The following LARS2 variants were observed in gnomAD, a reference collection of about 807,000 sequenced individuals.
LARS2 encodes leucine--tRNA ligase, mitochondrial.
A neutral mutation model predicts 116.6 loss-of-function variants in LARS2; 81 were observed. That is an observed-to-expected ratio of 0.69 (90% confidence interval 0.58 to 0.84). The LOEUF (loss-of-function observed/expected upper bound fraction) is 0.84. LARS2 is among the 40% of genes least tolerant of loss of function. LARS2 has a pLI of 0.00. For missense variants in LARS2, 968 were observed against 1,114.5 expected (o/e 0.87, Z 1.87); for synonymous variants, 396 against 407.2 (o/e 0.97, Z 0.33).
chr3:45,470,977 C>T (rs1231771671), intron 8 of LARS2, among the ~76,000 whole-genome samples: 1 of 141,360 alleles, frequency 7.1e-6, no homozygotes, highest in Non-Finnish European at 1.5e-5. Flanking sequence ...CGTACCAGTC[C>T]TGTCTGCCAG....
chr3:45,397,111 C>T (rs1251088621), intron 3 of LARS2, among the ~76,000 whole-genome samples: 1 of 152,192 alleles, frequency 6.6e-6, no homozygotes, highest in African/African-American at 2.4e-5. Context: ...TAATAGGACC[C>T]ACTTATAAAA....
intron 6 of LARS2, among the ~76,000 whole-genome samples, chr3:45,435,134 C>T (rs1031686644): frequency 2.6e-5 from 4 of 152,248 alleles, no homozygotes; most frequent in Admixed American, 6.5e-5. Context: ...ACAGGGACTC[C>T]GCTGACACCA....
At chr3:45,426,838 G>C (rs1698602709) in intron 6 of LARS2, among the ~76,000 whole-genome samples, 1 of 152,192 alleles carries the variant, frequency 6.6e-6, no homozygotes, top group Non-Finnish European at 1.5e-5. Flanking sequence ...CGCAGTTCCA[G>C]CTGGTAGTCA....
chr3:45,514,503 T>C (rs1309154267), intron 16 of LARS2, among the ~76,000 whole-genome samples: 2 of 152,196 alleles, frequency 1.3e-5, no homozygotes, highest in Admixed American at 6.5e-5. Context: ...CTCTCCAGCA[T>C]GGATGACAGA....
chr3:45,491,763 G>A lies in LARS2; in HGVS notation c.1486G>A (p.Ala496Thr). Residue 496 changes from alanine to threonine, a missense_variant, in exon 13 of 22, where the codon GCC becomes ACC. Physicochemically the swap from Ala to Thr is moderately conservative, Grantham distance 58. Coordinates refer to ENST00000645846, the MANE Select transcript of LARS2 (RefSeq NM_015340.4). The stretch of plus-strand genomic sequence containing the variant: ...CACTGGCAAGGGAGGCCCCCCACTG[G>A]CCATGGCTTCAGAGTGGGTGAACTG... ...SFTGKGGPPL[A>T]MASEWVNCSC... The A allele has an allele frequency of 6.2e-7, 1 of 1,613,908 alleles. No individual in the cohort carries two copies. Among genetic ancestry groups the A allele is most frequent in the Non-Finnish European group, 8.5e-7 (1 of 1,179,854 alleles).
chr3:45,405,971 A>G (rs1005112566), intron 4 of LARS2, among the ~76,000 whole-genome samples: 3 of 152,162 alleles, frequency 2.0e-5, no homozygotes, highest in African/African-American at 7.2e-5. Flanking sequence ...AGGGTAAAGA[A>G]TATTCCCACC....
intron 4 of LARS2, among the ~76,000 whole-genome samples, chr3:45,416,191 G>A (rs1167644617): frequency 6.6e-6 from 1 of 151,486 alleles, no homozygotes; most frequent in Admixed American, 6.6e-5. Flanking sequence ...GGGAGGCTGA[G>A]GCAGGAGAAT....
At chr3:45,454,645 G>A (rs549828909) in intron 7 of LARS2, among the ~76,000 whole-genome samples, 1 of 152,214 alleles carries the variant, frequency 6.6e-6, no homozygotes, top group Non-Finnish European at 1.5e-5. Flanking sequence ...ATTGGCTTCA[G>A]TAGGTGGTAG....
chr3:45,533,046 G>A (rs917015888), intron 20 of LARS2, among the ~76,000 whole-genome samples: 2 of 151,032 alleles, frequency 1.3e-5, no homozygotes, highest in African/African-American at 2.4e-5. Context: ...GCCCTGACAA[G>A]CTGCAGCCAT....
chr3:45,420,868 A>G (rs1698502713), intron 6 of LARS2, among the ~76,000 whole-genome samples: 1 of 152,218 alleles, frequency 6.6e-6, no homozygotes, highest in South Asian at 2.1e-4. Flanking sequence ...TTGTTTTCCT[A>G]ATCATCACAG....
Position 45,488,762 on chromosome 3 carries a change from G to A in LARS2, c.1189G>A (p.Val397Ile). The change falls in exon 12 of 22, where the codon GTC becomes ATC. Residue 397 changes from valine (V) to isoleucine (I), a missense_variant. Coordinates refer to ENST00000645846, the MANE Select transcript of LARS2 (RefSeq NM_015340.4). The part of the protein sequence containing the change: ...AQTLGLAYSE[V>I]IETLPDGTER... ...AACCCTGGGCCTGGCCTACTCTGAAGTCATTGAAACTTTGCCAGATGGCAC... is the reference window on the plus strand; with the variant it reads ...AACCCTGGGCCTGGCCTACTCTGAAATCATTGAAACTTTGCCAGATGGCAC... 1 of 1,614,036 alleles carries A rather than the reference G, an allele frequency of 6.2e-7. No homozygotes were observed. Among genetic ancestry groups the A allele is most frequent in the Non-Finnish European group, 8.5e-7 (1 of 1,179,888 alleles).
chr3:45,396,869 A>G (rs1353558678), intron 3 of LARS2, among the ~76,000 whole-genome samples: 1 of 152,174 alleles, frequency 6.6e-6, no homozygotes, highest in Non-Finnish European at 1.5e-5. Context: ...CCACACAGAA[A>G]CCTTCTTTTG....
chr3:45,536,525 T>G (rs181837052), intron 20 of LARS2, among the ~76,000 whole-genome samples: 53 of 152,318 alleles, frequency 3.5e-4, no homozygotes, highest in African/African-American at 1.2e-3. Flanking sequence ...ACGTGGAATG[T>G]GCCTGCAGGA....
intron 7 of LARS2, 80 bp downstream of exon 7, chr3:45,447,060 G>A (rs994682632): frequency 5.1e-6 from 4 of 780,322 alleles, no homozygotes; most frequent in African/African-American, 1.8e-5. Context: ...GAAAATGAAC[G>A]CTACCTCAAG....
intron 1 of LARS2, among the ~76,000 whole-genome samples, chr3:45,390,043 T>C (rs904980312): frequency 1.3e-5 from 2 of 152,148 alleles, no homozygotes; most frequent in South Asian, 2.1e-4. Flanking sequence ...GGATATGAAC[T>C]ATTCTTAAAA....
At chr3:45,395,293 G>A (rs1033868732) in intron 3 of LARS2, among the ~76,000 whole-genome samples, 2 of 152,208 alleles carry the variant, frequency 1.3e-5, no homozygotes, top group Admixed American at 1.3e-4. Flanking sequence ...CTAACCTTGA[G>A]GTAGCAGCTA....
chr3:45,460,961 A>G (rs908827129), intron 8 of LARS2, among the ~76,000 whole-genome samples: 3 of 152,246 alleles, frequency 2.0e-5, no homozygotes, highest in South Asian at 2.1e-4. Flanking sequence ...CAGACTCCCA[A>G]CGTTGTATCT....
chr3:45,418,371 G>C (rs1184069982), intron 5 of LARS2, among the ~76,000 whole-genome samples: 1 of 152,110 alleles, frequency 6.6e-6, no homozygotes, highest in Non-Finnish European at 1.5e-5. Context: ...ATGGCATCCA[G>C]GTCTCTTTTT....
At chr3:45,422,840 TACAATTA>T (rs1478263205) in intron 6 of LARS2, among the ~76,000 whole-genome samples, 1 of 152,204 alleles carries the variant, frequency 6.6e-6, no homozygotes, top group Non-Finnish European at 1.5e-5. Flanking sequence ...CATTTATAGA[TACAATTA>T]ATTGAAAAAA....
Sources: gnomAD v4.1 joint callset for allele counts (sites outside exome capture counted in the v4.1 genomes callset) on GRCh38, gnomAD v4.1.1 for gene constraint, MANE v1.5 for transcripts, NCBI Gene and HGNC (gene_info 2026-07-23, HGNC 2026-07-21) for gene names.